Variants in SATL1 observed in about 807,000 individuals in gnomAD.
SATL1 encodes spermidine/spermine N1-acetyl transferase like 1.
A neutral mutation model predicts 51.8 loss-of-function variants in SATL1; 47 were observed. The ratio of observed to expected loss-of-function variants is 0.91; its 90% CI spans 0.72 to 1.16. The LOEUF is 1.16. Among genes scored for constraint, SATL1 ranks in the 50% most tolerant of loss-of-function variants. The pLI is 0.00. For missense variants in SATL1, 520 were observed against 526.4 expected, an observed-to-expected ratio of 0.99 and a Z score of 0.12; for synonymous variants, 176 against 182.4, an observed-to-expected ratio of 0.97 and a Z score of 0.28.
At chrX:85,103,546 A>T (rs1020062469) in intron 4 of SATL1, among the ~76,000 whole-genome samples, 2 of 111,821 alleles carry the variant, frequency 1.8e-5, no homozygotes, top group Non-Finnish European at 3.8e-5. Flanking sequence ...TGCTTTTATC[A>T]ATTTCCTTGT....
At chrX:85,130,434 A>G (rs182781896) in intron 2 of SATL1, among the ~76,000 whole-genome samples, 155 of 111,886 alleles carry the variant, frequency 1.4e-3, no homozygotes, top group African/African-American at 4.7e-3. Flanking sequence ...GTATTTGCAT[A>G]GAGGTGTTTA....
chrX:85,103,053 C>T (rs1177452036), intron 4 of SATL1, among the ~76,000 whole-genome samples: 1 of 111,389 alleles, frequency 9.0e-6, no homozygotes, highest in African/African-American at 3.3e-5. Context: ...TTTAAGCCAA[C>T]AAAATTACTA....
chrX:85,151,222 T>A (rs1442142589), intron 2 of SATL1, among the ~76,000 whole-genome samples: 1 of 109,727 alleles, frequency 9.1e-6, no homozygotes, highest in Non-Finnish European at 1.9e-5. Context: ...CACAATTGCT[T>A]CAAAGAGAAT....
chrX:85,185,083 C>A (rs1432748865), intron 2 of SATL1, among the ~76,000 whole-genome samples: 1 of 112,377 alleles, frequency 8.9e-6, no homozygotes, highest in Non-Finnish European at 1.9e-5. Flanking sequence ...GTGGATCTTG[C>A]AGCCCCATAG....
rs756313888 is a variant in SATL1 at position 85,108,818 on chromosome X, G to C, written c.151C>G (p.Gln51Glu). Residue 51 changes from glutamine to glutamate, a missense_variant, in exon 3 of 8, where the codon CAA becomes GAA. This residue lies in a region of SATL1 where 10 missense variants were observed against 28.3 expected (regional missense o/e 0.35). Transcript: ENST00000644105. ...ATGCCAGCTTGGCTCATGCTTGGTT[G>C]TTTCATGTCCACTTGGTTCATTTCA... ...LYEMNQVDMKQPSMSQAGMRQ... is the reference protein window; with the variant it reads ...LYEMNQVDMKEPSMSQAGMRQ... The C allele has an allele frequency of 3.1e-5, 38 of 1,210,132 alleles. No homozygotes were observed. The South Asian group carries it at 5.8e-4, about 18-fold the overall frequency.
intron 2 of SATL1, among the ~76,000 whole-genome samples, chrX:85,201,891 T>C (rs937990924): frequency 4.4e-5 from 5 of 112,459 alleles, no homozygotes; most frequent in African/African-American, 1.3e-4. Flanking sequence ...TGATTCCATG[T>C]CTTCGCTATT....
chrX:85,166,540 A>G (rs947919819), intron 2 of SATL1, among the ~76,000 whole-genome samples: 6 of 111,721 alleles, frequency 5.4e-5, no homozygotes, highest in Admixed American at 4.8e-4. Context: ...CCAAATCACT[A>G]ATTATCAGAG....
chrX:85,094,911 T>G lies in SATL1; in HGVS notation c.1774+5A>C. 1 of 1,137,131 alleles carries G rather than the reference T, an allele frequency of 8.8e-7. No individual in the cohort carries two copies. Among genetic ancestry groups the G allele is most frequent in the Non-Finnish European group, 1.2e-6 (1 of 830,725 alleles). 93.7% of individuals were successfully genotyped at this position (1,137,131 alleles called of 1,213,427 possible). A position where few individuals can be genotyped will look rare whatever the true frequency, so the allele number is the denominator to read the frequency against. On this transcript the variant is annotated splice_donor_5th_base_variant and intron_variant, in intron 5 of 7. Coordinates refer to ENST00000644105, the MANE Select transcript of SATL1 (RefSeq NM_001367857.2). ...ATTGAACTGGAGAAGAAAGGTTTACTCTACCTGATGGTTTTTGTTGATCGT... is the reference window on the plus strand; with the variant it reads ...ATTGAACTGGAGAAGAAAGGTTTACGCTACCTGATGGTTTTTGTTGATCGT...
intron 1 of SATL1, among the ~76,000 whole-genome samples, chrX:85,242,166 G>T (rs1928619985): frequency 3.6e-5 from 4 of 112,182 alleles, no homozygotes; most frequent in Non-Finnish European, 5.6e-5. Context: ...CTCCCACAGT[G>T]TACCATTCAC....
At chrX:85,153,338 T>C (rs1252169465) in intron 2 of SATL1, among the ~76,000 whole-genome samples, 1 of 111,837 alleles carries the variant, frequency 8.9e-6, no homozygotes, top group Non-Finnish European at 1.9e-5. Flanking sequence ...ACTGGAAGCC[T>C]AGGCCTCTTC....
At chrX:85,122,968 T>C (rs1925539602) in intron 2 of SATL1, among the ~76,000 whole-genome samples, 1 of 111,690 alleles carries the variant, frequency 9.0e-6, no homozygotes, top group African/African-American at 3.3e-5. Context: ...GCTACATCCA[T>C]GTTGCTGTAG....
At chrX:85,236,549 G>A (rs978515759) in intron 1 of SATL1, among the ~76,000 whole-genome samples, 21 of 111,170 alleles carry the variant, frequency 1.9e-4, no homozygotes, top group African/African-American at 3.3e-4. Flanking sequence ...AAAATCAATC[G>A]ATGTGATACA....
chrX:85,196,620 T>C (rs751032173), intron 2 of SATL1, among the ~76,000 whole-genome samples: 7 of 111,608 alleles, frequency 6.3e-5, no homozygotes, highest in African/African-American at 9.8e-5. Context: ...AAAAAGACAG[T>C]GAGGTGCTGA....
intron 3 of SATL1, among the ~76,000 whole-genome samples, chrX:85,105,671 C>G (rs571919990): frequency 9.0e-6 from 1 of 111,232 alleles, no homozygotes; most frequent in Admixed American, 9.6e-5. Context: ...GTCAATAAAA[C>G]CTGTAATATA....
At position 85,094,935 on chromosome X, in the gene SATL1, G is replaced by A. The variant is rs141349825; in HGVS notation, c.1755C>T (p.Asn585=). Residue 585 remains asparagine, a synonymous_variant, in exon 5 of 8, where the codon AAC becomes AAT. Transcript: ENST00000644105. ...CTCTACCTGATGGTTTTTGTTGATC[G>A]TTTACTTCTGCAATCAGGCAGTAGA... ...PLFYCLIAEV[N]DQQKPSGKLT... 0.022 allele frequency: 25,641 copies of A among 1,178,147 alleles called. 254 individuals carry two copies. The highest frequency in any genetic ancestry group is 0.048 in the South Asian group (2,614 of 54,900).
At chrX:85,136,931 C>T (rs1925972228) in intron 2 of SATL1, among the ~76,000 whole-genome samples, 2 of 111,692 alleles carry the variant, frequency 1.8e-5, no homozygotes, top group African/African-American at 3.3e-5. Flanking sequence ...AGTGATAACT[C>T]TCCCCTCTCC....
chrX:85,152,761 G>A (rs1434959100), intron 2 of SATL1, among the ~76,000 whole-genome samples: 1 of 109,934 alleles, frequency 9.1e-6, no homozygotes, highest in African/African-American at 3.3e-5. Flanking sequence ...GGTGGGAATT[G>A]AACAATGAGA....
intron 3 of SATL1, among the ~76,000 whole-genome samples, chrX:85,106,234 T>C (rs1925036800): frequency 8.9e-6 from 1 of 111,940 alleles, no homozygotes; most frequent in South Asian, 3.7e-4. Context: ...TATCTAATCA[T>C]TCAGATTAAT....
intron 3 of SATL1, among the ~76,000 whole-genome samples, chrX:85,105,176 C>A (rs938307301): frequency 9.0e-6 from 1 of 111,075 alleles, no homozygotes; most frequent in Non-Finnish European, 1.9e-5. Context: ...ACAGGAGAAC[C>A]CCAAGGGCCA....
Sources: gnomAD v4.1 joint callset for allele counts (sites outside exome capture counted in the v4.1 genomes callset) on GRCh38, gnomAD v4.1.1 for gene constraint, gnomAD v4.1.1 regional missense constraint, MANE v1.5 for transcripts, NCBI Gene and HGNC (gene_info 2026-07-23, HGNC 2026-07-21) for gene names.